Variants in SENP7 observed in about 807,000 individuals in gnomAD.
SENP7 encodes SUMO specific peptidase 7.
SENP7 carries 64 observed loss-of-function variants against 141.2 expected under a neutral mutation model. The ratio of observed to expected loss-of-function variants is 0.45; its 90% CI spans 0.37 to 0.56. The LOEUF is 0.56. Among genes scored for constraint, SENP7 ranks in the 20% least tolerant of loss-of-function variants. The probability of loss-of-function intolerance (pLI) is 0.00; values close to 1 mark genes in which losing one functional copy is unlikely to be tolerated. For synonymous variants in SENP7, 382 were observed against 426.4 expected (o/e 0.90, Z 1.28); for missense variants, 1,025 against 1,212.2 (o/e 0.85, Z 2.29).
At chr3:101,389,703 C>G (rs546722115) in intron 6 of SENP7, among the ~76,000 whole-genome samples, 3 of 151,964 alleles carry the variant, frequency 2.0e-5, no homozygotes, top group South Asian at 4.2e-4. Flanking sequence ...AATGAACATA[C>G]CTAAAAGTAC....
intron 3 of SENP7, among the ~76,000 whole-genome samples, chr3:101,463,129 G>A (rs1333606393): frequency 2.6e-5 from 4 of 151,700 alleles, no homozygotes. Context: ...ACTTTGGGAG[G>A]CTGAGGCAGG....
At position 101,486,342 on chromosome 3, in the gene SENP7, T is replaced by G. The variant is rs534248693; in HGVS notation, c.186+7531A>C. ...GAAAGACAAGACAAAGGAAAGAATC[T>G]TAAGAGCTGTGAGACAGAAGCACCA... On this transcript the variant is annotated intron_variant, in intron 3 of 23. Transcript: ENST00000394095. Among the ~76,000 whole-genome samples the G allele has an allele frequency of 2.2e-4, 34 of 152,238 alleles. No homozygotes were observed. In the South Asian group the frequency reaches 4.8e-3, roughly 21 times the overall value.
At chr3:101,414,455 C>A in intron 5 of SENP7, 1 of 1,383,200 alleles carries the variant, frequency 7.2e-7, no homozygotes. Context: ...GACCACCTGG[C>A]CCAGTGTACC....
intron 6 of SENP7, among the ~76,000 whole-genome samples, chr3:101,387,683 A>G (rs2553427): frequency 0.32 from 48,481 of 152,092 alleles, 8,233 homozygotes; most frequent in Non-Finnish European, 0.38. Flanking sequence ...ATCAGGGAGC[A>G]TGAGGACAGG....
intron 3 of SENP7, among the ~76,000 whole-genome samples, chr3:101,462,795 G>A (rs972354352): frequency 2.6e-5 from 4 of 151,814 alleles, no homozygotes; most frequent in Non-Finnish European, 4.4e-5. Flanking sequence ...TGGAACCCAG[G>A]AGGCAGAGGT....
intron 14 of SENP7, among the ~76,000 whole-genome samples, chr3:101,343,087 T>G (rs1402944125): frequency 6.6e-6 from 1 of 152,230 alleles, no homozygotes; most frequent in African/African-American, 2.4e-5. Context: ...GATGTGGTAC[T>G]TCTCAGTGCA....
rs963816061 is a variant in SENP7 at position 101,366,694 on chromosome 3, G to A, written c.1054C>T (p.Leu352=). 2.5e-6 allele frequency: 4 copies of A among 1,612,994 alleles called. No individual in the cohort carries two copies. The African/African-American group carries it at 5.3e-5, about 22-fold the overall frequency. ...PSENYHQDPK[L]PEEITTKPTK... ...GGTTTAGTTGTAATTTCTTCAGGCAGTTTTGGATCCTGATGATAGTTTTCA... is the reference window on the plus strand; with the variant it reads ...GGTTTAGTTGTAATTTCTTCAGGCAATTTTGGATCCTGATGATAGTTTTCA... The change falls in exon 9 of 24, where the codon CTG becomes TTG. Residue 352 remains leucine (L), a synonymous_variant. Transcript: ENST00000394095.
intron 6 of SENP7, among the ~76,000 whole-genome samples, chr3:101,388,992 T>C (rs2060736479): frequency 1.3e-5 from 2 of 151,912 alleles, no homozygotes; most frequent in Non-Finnish European, 2.9e-5. Flanking sequence ...ACATGACATA[T>C]AAGACATCAT....
At chr3:101,484,793 C>G (rs2064656416) in intron 3 of SENP7, among the ~76,000 whole-genome samples, 1 of 152,116 alleles carries the variant, frequency 6.6e-6, no homozygotes. Context: ...GGTGGATGAC[C>G]AGAGGAGCAG....
At chr3:101,456,091 T>A (rs2063343332) in intron 4 of SENP7, among the ~76,000 whole-genome samples, 1 of 152,182 alleles carries the variant, frequency 6.6e-6, no homozygotes, top group African/African-American at 2.4e-5. Context: ...GGAAATATTT[T>A]ATGAACATTT....
Position 101,324,225 on chromosome 3 carries a change from ATTTC to A in SENP7, c.*1714_*1717del, listed in dbSNP as rs2058848291. The A allele has an allele frequency of 6.6e-6, 1 of 152,098 alleles. No homozygotes were observed. Among genetic ancestry groups the A allele is most frequent in the African/African-American group, 2.4e-5 (1 of 41,444 alleles). 9.4% of individuals were successfully genotyped at this position (152,098 alleles called of 1,614,324 possible). ...CAGAGCAGCATACAACTGGAAATTT[ATTTC>A]TAACAGTAGCTCATGTTTCTTAAGG... On this transcript the variant is annotated 3_prime_UTR_variant, in exon 24 of 24. Coordinates refer to ENST00000394095, the MANE Select transcript of SENP7 (RefSeq NM_020654.5).
intron 4 of SENP7, among the ~76,000 whole-genome samples, chr3:101,425,102 T>C (rs2061917261): frequency 6.6e-6 from 1 of 152,192 alleles, no homozygotes; most frequent in South Asian, 2.1e-4. Flanking sequence ...ATTAAACCTC[T>C]TTTTCTTTAT....
intron 3 of SENP7, among the ~76,000 whole-genome samples, chr3:101,479,267 T>C (rs1317180343): frequency 6.6e-6 from 1 of 152,218 alleles, no homozygotes; most frequent in African/African-American, 2.4e-5. Flanking sequence ...ATTATCCCTC[T>C]TTGCAGAAGA....
intron 7 of SENP7, among the ~76,000 whole-genome samples, chr3:101,371,602 T>C (rs1196437323): frequency 6.6e-6 from 1 of 152,126 alleles, no homozygotes; most frequent in Non-Finnish European, 1.5e-5. Context: ...TTTGGCATCC[T>C]CCTGAAGTTG....
In SENP7 at chr3:101,325,784, T is replaced by C. The variant is rs993038744; in HGVS notation, c.*159A>G. ...CATTCCATCTATGAGATCCCAACAATTCTAATAATGTGTCCTACATATTTT... is the reference window on the plus strand; with the variant it reads ...CATTCCATCTATGAGATCCCAACAACTCTAATAATGTGTCCTACATATTTT... On this transcript the variant is annotated 3_prime_UTR_variant, in exon 24 of 24. Transcript: ENST00000394095. 1 of 511,830 alleles carries C rather than the reference T, an allele frequency of 2.0e-6. No individual in the cohort carries two copies. The highest frequency in any genetic ancestry group is 3.5e-5 in the East Asian group (1 of 28,316). The allele number at this position is 511,830 out of a possible 1,614,324, so 31.7% of individuals were successfully genotyped here. A position where few individuals can be genotyped will look rare whatever the true frequency, so the allele number is the denominator to read the frequency against.
intron 4 of SENP7, among the ~76,000 whole-genome samples, chr3:101,424,078 T>C (rs1174615017): frequency 6.6e-6 from 1 of 152,080 alleles, no homozygotes; most frequent in Non-Finnish European, 1.5e-5. Context: ...CTCTGCAGGG[T>C]TGTCTTGCCT....
intron 17 of SENP7, among the ~76,000 whole-genome samples, chr3:101,334,972 A>T (rs925578216): frequency 6.6e-6 from 1 of 152,188 alleles, no homozygotes; most frequent in African/African-American, 2.4e-5. Flanking sequence ...TGAGTTCCTA[A>T]TATGTTCCAA....
chr3:101,488,502 C>T (rs79275284), intron 3 of SENP7, among the ~76,000 whole-genome samples: 3,603 of 152,264 alleles, frequency 0.024, 146 homozygotes, highest in African/African-American at 0.082. Context: ...CTGGAAAATA[C>T]ATTTGAGGAT....
At chr3:101,453,576 T>C (rs1027495578) in intron 4 of SENP7, among the ~76,000 whole-genome samples, 1 of 152,110 alleles carries the variant, frequency 6.6e-6, no homozygotes, top group Non-Finnish European at 1.5e-5. Context: ...GGGACATGGA[T>C]GAAGCTGGAA....
Sources: gnomAD v4.1 joint callset for allele counts (sites outside exome capture counted in the v4.1 genomes callset) on GRCh38, gnomAD v4.1.1 for gene constraint, MANE v1.5 for transcripts, NCBI Gene and HGNC (gene_info 2026-07-23, HGNC 2026-07-21) for gene names.